MAPKAPK5: variants seen among roughly 807,000 people sequenced by gnomAD.
MAPKAPK5 encodes the protein MAPK activated protein kinase 5.
In MAPKAPK5, 30 loss-of-function variants were observed where a neutral mutation model predicts 65.1. That is an observed-to-expected ratio of 0.46 (90% CI 0.34 to 0.63). The LOEUF (loss-of-function observed/expected upper bound fraction) is 0.63, where lower values mean the gene tolerates loss of function less well. Among genes scored for constraint, MAPKAPK5 ranks in the 20% least tolerant of loss-of-function variants. MAPKAPK5 has a pLI of 0.01. For missense variants in MAPKAPK5, 433 were observed against 581.4 expected, an observed-to-expected ratio of 0.74 and a Z score of 2.63; for synonymous variants, 179 against 204.6, an observed-to-expected ratio of 0.87 and a Z score of 1.07.
intron 7 of MAPKAPK5, 30 bp downstream of exon 7, chr12:111,871,210 C>A (rs2069771084): frequency 1.3e-6 from 2 of 1,576,994 alleles, no homozygotes; most frequent in Non-Finnish European, 1.7e-6. Flanking sequence ...GTCCTAAGAT[C>A]TGTCACCAAG....
At position 111,882,705 on chromosome 12, in the gene MAPKAPK5, A is replaced by G. The variant is rs573420182; in HGVS notation, c.661-876A>G. Reference sequence around the variant, plus strand: ...TCTTTTTTTCACAGTATCTTCCCCCAGAATGGTGTAAGAGCTTGCAAATGG... The same window carrying G: ...TCTTTTTTTCACAGTATCTTCCCCCGGAATGGTGTAAGAGCTTGCAAATGG... On this transcript the variant is annotated intron_variant, in intron 8 of 13. Coordinates refer to ENST00000550735, the MANE Select transcript of MAPKAPK5 (RefSeq NM_003668.4). 5 of 626,558 alleles carry G rather than the reference A, an allele frequency of 8.0e-6. No homozygotes were observed. In the East Asian group the frequency reaches 5.6e-4, roughly 70 times the overall value. The allele number at this position is 626,558 out of a possible 1,614,324, so 38.8% of individuals were successfully genotyped here.
intron 7 of MAPKAPK5, among the ~76,000 whole-genome samples, chr12:111,872,393 T>C (rs2069813320): frequency 1.3e-5 from 2 of 152,204 alleles, no homozygotes; most frequent in Admixed American, 6.5e-5. Context: ...TTTTTGTACA[T>C]GTGTATTGGC....
rs1052105416 is a variant in MAPKAPK5 at position 111,842,494 on chromosome 12, C to T, written c.-240C>T. 1.2e-5 allele frequency: 4 copies of T among 344,832 alleles called. No homozygotes were observed. Among genetic ancestry groups the T allele is most frequent in the African/African-American group, 8.5e-5 (4 of 46,848 alleles). The allele number at this position is 344,832 out of a possible 1,614,324, so 21.4% of individuals were successfully genotyped here. ...TAGGAGGCGGCCGCGTGGGGCCCAG[C>T]ACAAAGACCTGTCCCCAGGGGCCGC... On this transcript the variant is annotated 5_prime_UTR_variant, in exon 1 of 14. Coordinates refer to ENST00000550735, the MANE Select transcript of MAPKAPK5 (RefSeq NM_003668.4).
At chr12:111,870,515 C>G (rs1250013824) in intron 6 of MAPKAPK5, among the ~76,000 whole-genome samples, 155 bp downstream of exon 6, 1 of 152,144 alleles carries the variant, frequency 6.6e-6, no homozygotes, top group Admixed American at 6.6e-5. Flanking sequence ...GCTAGAGGCT[C>G]AGAGAAGCTG....
intron 7 of MAPKAPK5, among the ~76,000 whole-genome samples, chr12:111,871,389 C>G (rs531043444): frequency 6.6e-6 from 1 of 151,906 alleles, no homozygotes; most frequent in African/African-American, 2.4e-5. Context: ...GCCTTTAATC[C>G]CAGCACTTTG....
intron 7 of MAPKAPK5, among the ~76,000 whole-genome samples, chr12:111,874,694 C>G (rs1378478987): frequency 2.0e-5 from 3 of 149,578 alleles, no homozygotes; most frequent in Non-Finnish European, 4.4e-5. Context: ...AACTCCTGAC[C>G]TCAGGTAATC....
At position 111,901,336 on chromosome 12, in the gene MAPKAPK5, ACTGT is replaced by A. The variant is rs1307032691; in HGVS notation, c.*8276_*8279del. ...TGTAATGAAGGGCATGCCCCCCCTG[ACTGT>A]GTTACTGCAGGAAGTGGAGGTAGTG... On this transcript the variant is annotated 3_prime_UTR_variant, in exon 14 of 14. Coordinates refer to ENST00000550735, the MANE Select transcript of MAPKAPK5 (RefSeq NM_003668.4). 13 of 455,820 alleles carry A rather than the reference ACTGT, an allele frequency of 2.9e-5. No homozygotes were observed. Among genetic ancestry groups the A allele is most frequent in the Non-Finnish European group, 5.3e-5 (12 of 226,774 alleles). The allele number at this position is 455,820 out of a possible 1,614,324, so 28.2% of individuals were successfully genotyped here. A position where few individuals can be genotyped will look rare whatever the true frequency, so the allele number is the denominator to read the frequency against.
At chr12:111,885,686 C>T in intron 9 of MAPKAPK5, 1 of 491,114 alleles carries the variant, frequency 2.0e-6, no homozygotes, top group Admixed American at 3.3e-5. Context: ...TGGATTAAGC[C>T]CTTTTCTACC....
intron 4 of MAPKAPK5, among the ~76,000 whole-genome samples, 181 bp from the exon 5 acceptor site, chr12:111,868,572 A>T (rs554264808): frequency 2.3e-4 from 34 of 150,982 alleles, no homozygotes; most frequent in African/African-American, 7.5e-4. Context: ...TCACATTAAA[A>T]TTTTTTTTTT....
In MAPKAPK5 at chr12:111,900,434, C is replaced by T. The variant is rs374721813; in HGVS notation, c.*7373C>T. 4.4e-6 allele frequency: 2 copies of T among 455,926 alleles called. No individual in the cohort carries two copies. The highest frequency in any genetic ancestry group is 3.1e-5 in the South Asian group (2 of 64,574). 28.2% of individuals were successfully genotyped at this position (455,926 alleles called of 1,614,324 possible). ...TTTGTAAAGATAAGCACTTTTGCCT[C>T]ATGCATGAAAATATCACAAAAGAAA... On this transcript the variant is annotated 3_prime_UTR_variant, in exon 14 of 14. Coordinates refer to ENST00000550735, the MANE Select transcript of MAPKAPK5 (RefSeq NM_003668.4).
intron 1 of MAPKAPK5, among the ~76,000 whole-genome samples, chr12:111,844,779 G>A (rs3782885): frequency 0.2 from 29,731 of 152,164 alleles, 3,118 homozygotes; most frequent in Middle Eastern, 0.27. Context: ...AGTTCTGATG[G>A]AAATGCGAGA....
chr12:111,880,418 A>G (rs777105160), intron 7 of MAPKAPK5, 29 bp from the exon 8 acceptor site: 95 of 1,585,214 alleles, frequency 6.0e-5, no homozygotes, highest in Non-Finnish European at 8.0e-5. Context: ...TTTTCATTAA[A>G]TGGTCCCCTT....
chr12:111,859,934 C>T (rs1774460209), intron 1 of MAPKAPK5, among the ~76,000 whole-genome samples: 1 of 152,300 alleles, frequency 6.6e-6, no homozygotes, highest in East Asian at 1.9e-4. Flanking sequence ...CAGGCGTGAG[C>T]CACCGTGCCC....
intron 8 of MAPKAPK5, among the ~76,000 whole-genome samples, chr12:111,881,217 G>A (rs57566221): frequency 0.015 from 2,334 of 151,954 alleles, 70 homozygotes; most frequent in African/African-American, 0.053. Flanking sequence ...GAGATGATGG[G>A]TGCATGCCAC....
chr12:111,878,118 T>A (rs1475826470), intron 7 of MAPKAPK5, among the ~76,000 whole-genome samples: 1 of 152,142 alleles, frequency 6.6e-6, no homozygotes, highest in African/African-American at 2.4e-5. Context: ...TTTCATTCTT[T>A]AACAGTGTCT....
intron 8 of MAPKAPK5, among the ~76,000 whole-genome samples, chr12:111,880,807 G>GT (rs1215959963): frequency 3.3e-5 from 5 of 152,310 alleles, no homozygotes; most frequent in Non-Finnish European, 4.4e-5. Context: ...TTTTGCAGTG[G>GT]TAATTAGGGA....
At chr12:111,889,951 C>T (rs2070548145) in intron 12 of MAPKAPK5, 89 bp from the exon 13 acceptor site, 2 of 778,704 alleles carry the variant, frequency 2.6e-6, no homozygotes, top group Non-Finnish European at 4.4e-6. Context: ...ATTTTTCAAC[C>T]AGTTGGACAT....
chr12:111,900,836 A>C lies in MAPKAPK5; in HGVS notation c.*7775A>C, dbSNP rs1456471937. The C allele has an allele frequency of 4.4e-6, 2 of 456,070 alleles. No homozygotes were observed. Among genetic ancestry groups the C allele is most frequent in the Non-Finnish European group, 8.8e-6 (2 of 226,796 alleles). 28.3% of individuals were successfully genotyped at this position (456,070 alleles called of 1,614,324 possible). ...AGCAAGATGGCTCAAAATGTCATACAATTTACGAGTGCCTTAAAGTTCATT... is the reference window on the plus strand; with the variant it reads ...AGCAAGATGGCTCAAAATGTCATACCATTTACGAGTGCCTTAAAGTTCATT... On this transcript the variant is annotated 3_prime_UTR_variant, in exon 14 of 14. Coordinates refer to ENST00000550735, the MANE Select transcript of MAPKAPK5 (RefSeq NM_003668.4).
chr12:111,855,678 T>A (rs2069210097), intron 1 of MAPKAPK5, among the ~76,000 whole-genome samples: 1 of 151,564 alleles, frequency 6.6e-6, no homozygotes, highest in African/African-American at 2.4e-5. Flanking sequence ...ATTACAAAAA[T>A]TAGCTGGGCA....
Sources: gnomAD v4.1 joint callset for allele counts (sites outside exome capture counted in the v4.1 genomes callset) on GRCh38, gnomAD v4.1.1 for gene constraint, MANE v1.5 for transcripts, NCBI Gene and HGNC (gene_info 2026-07-23, HGNC 2026-07-21) for gene names.